ZNF608: variants seen among roughly 807,000 people sequenced by gnomAD.
ZNF608 encodes renal carcinoma antigen NY-REN-36.
Under a neutral mutation model 109.0 loss-of-function variants are expected in ZNF608, and 12 were observed. That is an observed-to-expected ratio of 0.11 (90% CI 0.07 to 0.18). The LOEUF is 0.18. ZNF608 is among the 10% of genes least tolerant of loss of function. The pLI is 1.00. For synonymous variants in ZNF608, 732 were observed against 717.4 expected (o/e 1.02, Z -0.33); for missense variants, 1,707 against 1,879.3 (o/e 0.91, Z 1.70).
intron 3 of ZNF608, among the ~76,000 whole-genome samples, chr5:124,671,641 CT>C (rs66998925): frequency 0.21 from 27,706 of 129,598 alleles, 2,085 homozygotes; most frequent in Non-Finnish European, 0.23. Context: ...TGGGGCTTCT[CT>C]TTTTTTTTTT....
chr5:124,682,130 T>C (rs985281205), intron 3 of ZNF608, among the ~76,000 whole-genome samples: 12 of 152,236 alleles, frequency 7.9e-5, no homozygotes, highest in African/African-American at 2.7e-4. Flanking sequence ...TAGAGTGCAA[T>C]GGTGCAATCT....
chr5:124,743,378 C>T (rs1749497773), intron 2 of ZNF608, among the ~76,000 whole-genome samples: 1 of 152,172 alleles, frequency 6.6e-6, no homozygotes, highest in Non-Finnish European at 1.5e-5. Flanking sequence ...AAATCTCTAG[C>T]TAAGAACTGG....
At chr5:124,694,205 A>AG (rs1190818380) in intron 3 of ZNF608, among the ~76,000 whole-genome samples, 15 of 128,902 alleles carry the variant, frequency 1.2e-4, no homozygotes, top group South Asian at 8.0e-4. Context: ...CGTGTTAGCC[A>AG]GATGGTCTCG....
At chr5:124,723,755 A>G (rs1214551105) in intron 2 of ZNF608, among the ~76,000 whole-genome samples, 1 of 152,196 alleles carries the variant, frequency 6.6e-6, no homozygotes, top group African/African-American at 2.4e-5. Flanking sequence ...AACAGCATAA[A>G]CAGAATCAAA....
At chr5:124,696,114 G>A (rs373525002) in intron 3 of ZNF608, among the ~76,000 whole-genome samples, 4 of 151,868 alleles carry the variant, frequency 2.6e-5, no homozygotes, top group Non-Finnish European at 4.4e-5. Context: ...AACCCGGGAG[G>A]TGGAGGTTGC....
At chr5:124,693,777 A>C (rs987371334) in intron 3 of ZNF608, among the ~76,000 whole-genome samples, 1 of 152,058 alleles carries the variant, frequency 6.6e-6, no homozygotes, top group East Asian at 1.9e-4. Flanking sequence ...GCATTCCCTC[A>C]TCGGGAAAGC....
chr5:124,742,762 G>A (rs1749466919), intron 2 of ZNF608, among the ~76,000 whole-genome samples: 1 of 151,874 alleles, frequency 6.6e-6, no homozygotes, highest in Non-Finnish European at 1.5e-5. Context: ...CTTAAATCCT[G>A]AACACAAAAA....
chr5:124,677,694 A>G (rs1036274529), intron 3 of ZNF608, among the ~76,000 whole-genome samples: 1 of 152,160 alleles, frequency 6.6e-6, no homozygotes, highest in Non-Finnish European at 1.5e-5. Flanking sequence ...CTTCTTCTGC[A>G]ACTAATTCTC....
intron 3 of ZNF608, among the ~76,000 whole-genome samples, chr5:124,659,080 A>G (rs528510627): frequency 3.0e-4 from 46 of 152,288 alleles, no homozygotes; most frequent in African/African-American, 9.4e-4. Context: ...GTCACTGAAG[A>G]TAAGCAACTG....
rs544139698 is a variant in ZNF608, at chr5:124,700,552, C to G, written c.1162+462G>C. 2.0e-5 allele frequency among the ~76,000 whole-genome samples: 3 copies of G among 152,342 alleles called. No individual in the cohort carries two copies. The South Asian group carries it at 6.2e-4, about 32-fold the overall frequency. On this transcript the variant is annotated intron_variant, in intron 3 of 9. Transcript: ENST00000513986. ...CTCATTACTTCTGAGCACCAGCTGG[C>G]CACAGCCACATCATGACAATGATCC... is the stretch of plus-strand genomic sequence containing the variant.
At chr5:124,737,797 C>G (rs925999332) in intron 2 of ZNF608, among the ~76,000 whole-genome samples, 1 of 152,182 alleles carries the variant, frequency 6.6e-6, no homozygotes, top group African/African-American at 2.4e-5. Flanking sequence ...AATAACATTA[C>G]AAACAGCCCA....
chr5:124,644,313 G>C lies in ZNF608; in HGVS notation c.4054C>G (p.Pro1352Ala). Residue 1352 changes from proline to alanine, a missense_variant, in exon 6 of 10, where the codon CCA (proline) becomes GCA (alanine). Around this residue, in one of 7 missense-constraint regions of ZNF608, gnomAD observed 1,073 missense variants for 1,133.5 expected, o/e 0.95. Coordinates refer to ENST00000513986, the MANE Select transcript of ZNF608 (RefSeq NM_020747.3). ...YIQYLHAYPY[P>A]QMYDPSHPAY... ...GGATGGCTGGGGTCGTACATCTGTG[G>C]GTAAGGATAAGCATGCAAGTACTGT... The C allele has an allele frequency of 6.2e-7, 1 of 1,614,134 alleles. No homozygotes were observed. The highest frequency in any genetic ancestry group is 8.5e-7 in the Non-Finnish European group (1 of 1,180,012).
chr5:124,699,932 T>A (rs1303955015), intron 3 of ZNF608, among the ~76,000 whole-genome samples: 2 of 152,170 alleles, frequency 1.3e-5, no homozygotes, highest in Non-Finnish European at 2.9e-5. Context: ...CGGCCCTCAG[T>A]TTTTCTCCCT....
intron 3 of ZNF608, among the ~76,000 whole-genome samples, chr5:124,681,032 G>A (rs949785724): frequency 6.6e-6 from 1 of 152,190 alleles, no homozygotes; most frequent in Non-Finnish European, 1.5e-5. Flanking sequence ...TACATAAAAT[G>A]AGTTCCAGAA....
intron 2 of ZNF608, among the ~76,000 whole-genome samples, chr5:124,713,861 T>G (rs1287869108): frequency 6.6e-6 from 1 of 152,026 alleles, no homozygotes; most frequent in Non-Finnish European, 1.5e-5. Flanking sequence ...GTGTAGGAGA[T>G]TTTAAAAGTA....
Position 124,643,496 on chromosome 5 carries a change from C to T in ZNF608, c.4296+15G>A. ...AAATCACAGTACTTTTAAATAACAA[C>T]AAAAGGAGGCTTACAGCAGGAGACT... On this transcript the variant is annotated intron_variant, in intron 7 of 9. Coordinates refer to ENST00000513986, the MANE Select transcript of ZNF608 (RefSeq NM_020747.3). 6.2e-7 allele frequency: 1 copy of T among 1,612,482 alleles called. No homozygotes were observed.
intron 3 of ZNF608, among the ~76,000 whole-genome samples, chr5:124,690,177 A>C (rs1752556383): frequency 6.6e-6 from 1 of 152,278 alleles, no homozygotes; most frequent in African/African-American, 2.4e-5. Context: ...TAGAAAGAGC[A>C]AAACAATGGA....
chr5:124,657,008 G>A (rs1751041308), intron 3 of ZNF608, among the ~76,000 whole-genome samples: 1 of 152,136 alleles, frequency 6.6e-6, no homozygotes, highest in Non-Finnish European at 1.5e-5. Context: ...TGGAAAACTA[G>A]ACTCTCGCTT....
chr5:124,643,622 C>A lies in ZNF608; in HGVS notation c.4185G>T (p.Glu1395Asp), dbSNP rs777486032. 19 of 1,614,190 alleles carry A rather than the reference C, an allele frequency of 1.2e-5. No homozygotes were observed. The highest frequency in any genetic ancestry group is 3.3e-4 in the Middle Eastern group (2 of 6,062). The change falls in exon 7 of 10, where the codon GAG (glutamate) becomes GAT (aspartate). Residue 1395 changes from glutamate (E) to aspartate (D), a missense_variant. Physicochemically the swap from Glu to Asp is conservative, Grantham distance 45 (BLOSUM62 2). This residue lies in a region of ZNF608 where 1,073 missense variants were observed against 1,133.5 expected (regional missense o/e 0.95). Transcript: ENST00000513986. ...PVYGKMSGRE[E>D]TEKVNTSPSV... Reference sequence around the variant, plus strand: ...TAGGGCTGGTATTGACTTTCTCTGTCTCTTCTCTCCCTGACATCTTCCCAT... The same window carrying A: ...TAGGGCTGGTATTGACTTTCTCTGTATCTTCTCTCCCTGACATCTTCCCAT...
Sources: gnomAD v4.1 joint callset for allele counts (sites outside exome capture counted in the v4.1 genomes callset) on GRCh38, gnomAD v4.1.1 for gene constraint, gnomAD v4.1.1 regional missense constraint, MANE v1.5 for transcripts, NCBI Gene and HGNC (gene_info 2026-07-23, HGNC 2026-07-21) for gene names.